The following SOX6 variants were observed in gnomAD, a reference collection of about 807,000 sequenced individuals.
The protein encoded by SOX6 is SRY-box transcription factor 6.
Under a neutral mutation model 97.8 loss-of-function variants are expected in SOX6, and 11 were observed. The observed-to-expected ratio is 0.11, with a 90% CI of 0.07 to 0.19. The LOEUF (loss-of-function observed/expected upper bound fraction) is 0.19, where lower values mean the gene tolerates loss of function less well. Among genes scored for constraint, SOX6 ranks in the 10% least tolerant of loss-of-function variants. The pLI, the probability that SOX6 is intolerant of heterozygous loss-of-function variation, is 1.00. For missense variants in SOX6, 810 were observed against 1,039.5 expected, an observed-to-expected ratio of 0.78 and a Z score of 3.04; for synonymous variants, 360 against 371.4, an observed-to-expected ratio of 0.97 and a Z score of 0.35.
chr11:16,035,666 A>C (rs55836990), intron 12 of SOX6, among the ~76,000 whole-genome samples: 7,598 of 152,246 alleles, frequency 0.05, 623 homozygotes, highest in African/African-American at 0.17. Flanking sequence ...AACTTAAATC[A>C]ATTAATATTA....
intron 4 of SOX6, among the ~76,000 whole-genome samples, chr11:16,560,886 T>A (rs1418307234): frequency 6.6e-6 from 1 of 152,122 alleles, no homozygotes; most frequent in Admixed American, 6.6e-5. Context: ...AAACCAAATA[T>A]CATATGTTCT....
chr11:16,206,153 G>A (rs1389653954), intron 4 of SOX6, among the ~76,000 whole-genome samples: 1 of 151,872 alleles, frequency 6.6e-6, no homozygotes, highest in African/African-American at 2.4e-5. Flanking sequence ...TGTACAACTA[G>A]CATTAACTTT....
At chr11:16,334,433 C>CT (rs67280736) in intron 2 of SOX6, among the ~76,000 whole-genome samples, 124,425 of 147,674 alleles carry the variant, frequency 0.84, 52,463 homozygotes, top group Non-Finnish European at 0.88. Flanking sequence ...AATGTCTCTA[C>CT]TTTTTTTTTT....
At chr11:16,529,318 G>C (rs1035800983) in intron 4 of SOX6, among the ~76,000 whole-genome samples, 1 of 152,030 alleles carries the variant, frequency 6.6e-6, no homozygotes, top group African/African-American at 2.4e-5. Flanking sequence ...AGGCCTCCAA[G>C]CCAGATAGCC....
At chr11:16,625,753 T>G (rs1387716589) in intron 3 of SOX6, among the ~76,000 whole-genome samples, 1 of 152,200 alleles carries the variant, frequency 6.6e-6, no homozygotes, top group Non-Finnish European at 1.5e-5. Flanking sequence ...ACTTCCAGAT[T>G]GGTAAACACA....
At chr11:16,088,413 T>C (rs928332213) in intron 9 of SOX6, among the ~76,000 whole-genome samples, 1 of 152,170 alleles carries the variant, frequency 6.6e-6, no homozygotes, top group African/African-American at 2.4e-5. Flanking sequence ...CAGAATATTT[T>C]CACTACATAA....
intron 3 of SOX6, among the ~76,000 whole-genome samples, chr11:16,645,505 T>A (rs1241323624): frequency 6.6e-6 from 1 of 152,188 alleles, no homozygotes; most frequent in Non-Finnish European, 1.5e-5. Context: ...CCTCAGAATA[T>A]GACCTTATTT....
chr11:16,582,145 A>G lies in SOX6; in HGVS notation n.609+29936T>C, dbSNP rs553543413. On this transcript the variant is annotated intron_variant and non_coding_transcript_variant, in intron 4 of 5. Transcript: ENST00000524520. Reference sequence around the variant, plus strand: ...GGACATAAAGATTGAAACAATAAATACCAGCGACTACCTGGGGAGGAAGTA... The same window carrying G: ...GGACATAAAGATTGAAACAATAAATGCCAGCGACTACCTGGGGAGGAAGTA... Among the ~76,000 whole-genome samples the G allele has an allele frequency of 2.0e-5, 3 of 152,140 alleles. No homozygotes were observed. In the East Asian group the frequency reaches 5.8e-4, roughly 29 times the overall value.
intron 1 of SOX6, among the ~76,000 whole-genome samples, chr11:16,440,441 CAT>C (rs775082212): frequency 3.3e-5 from 5 of 152,154 alleles, no homozygotes; most frequent in Non-Finnish European, 5.9e-5. Flanking sequence ...GGACGCAGAG[CAT>C]ATGTTTATGG....
chr11:16,485,415 C>T (rs1173318868), intron 4 of SOX6, among the ~76,000 whole-genome samples: 1 of 151,916 alleles, frequency 6.6e-6, no homozygotes, highest in Non-Finnish European at 1.5e-5. Flanking sequence ...GTGAGACCCC[C>T]GTCTCTACAA....
rs151294259 is a variant in SOX6 at position 16,074,232 on chromosome 11, A to C, written c.1102-18331T>G. 3.3e-3 allele frequency among the ~76,000 whole-genome samples: 502 copies of C among 152,208 alleles called. 1 individual carries two copies. Among genetic ancestry groups the C allele is most frequent in the African/African-American group, 0.012 (481 of 41,560 alleles). On this transcript the variant is annotated intron_variant, in intron 9 of 15. Transcript: ENST00000683767. Reference sequence around the variant, plus strand: ...GATTAATAAAGAAAACAGAACAAATAAACACAATTAGAAATTACAAAGGGG... The same window carrying C: ...GATTAATAAAGAAAACAGAACAAATCAACACAATTAGAAATTACAAAGGGG...
At chr11:16,709,604 TC>T (rs1284804754) in intron 3 of SOX6, among the ~76,000 whole-genome samples, 9 of 152,060 alleles carry the variant, frequency 5.9e-5, no homozygotes, top group Admixed American at 4.6e-4. Flanking sequence ...AAGAAAAAGC[TC>T]CCTGAGGCCT....
chr11:15,974,122 T>C (rs560547874), intron 15 of SOX6, among the ~76,000 whole-genome samples: 6 of 152,312 alleles, frequency 3.9e-5, no homozygotes, highest in Admixed American at 2.0e-4. Context: ...TTTCAAGTTG[T>C]CATTGTAACT....
chr11:16,734,450 T>C (rs755972160), intron 2 of SOX6, among the ~76,000 whole-genome samples: 1 of 152,232 alleles, frequency 6.6e-6, no homozygotes, highest in Non-Finnish European at 1.5e-5. Context: ...TCTAGTTCTA[T>C]GTCTACCTTC....
At chr11:16,134,653 G>C (rs1849910505) in intron 6 of SOX6, among the ~76,000 whole-genome samples, 1 of 152,102 alleles carries the variant, frequency 6.6e-6, no homozygotes, top group African/African-American at 2.4e-5. Flanking sequence ...AGTGATCTGT[G>C]ATCAGTGATC....
chr11:16,037,746 G>T (rs755475055), intron 12 of SOX6, among the ~76,000 whole-genome samples: 1 of 152,084 alleles, frequency 6.6e-6, no homozygotes, highest in Non-Finnish European at 1.5e-5. Flanking sequence ...CTCTCTAAAG[G>T]TCTCGCCCAT....
At chr11:16,478,385 A>G (rs1295831021), upstream of SOX6, among the ~76,000 whole-genome samples, 1 of 152,228 alleles carries the variant, frequency 6.6e-6, no homozygotes, top group Non-Finnish European at 1.5e-5. Flanking sequence ...TTTTTTAATC[A>G]ATGAACTATC....
intron 4 of SOX6, among the ~76,000 whole-genome samples, chr11:16,562,855 C>T (rs1308353049): frequency 6.6e-6 from 1 of 152,174 alleles, no homozygotes; most frequent in Non-Finnish European, 1.5e-5. Context: ...CCATCCAGCA[C>T]TACAAGAAGC....
At chr11:16,402,747 G>A in intron 1 of SOX6, 1 of 1,609,294 alleles carries the variant, frequency 6.2e-7, no homozygotes, top group Non-Finnish European at 8.5e-7. Context: ...TTAGGGGCTG[G>A]CTAGAAATAT....
Sources: gnomAD v4.1 joint callset for allele counts (sites outside exome capture counted in the v4.1 genomes callset) on GRCh38, gnomAD v4.1.1 for gene constraint, MANE v1.5 for transcripts, NCBI Gene and HGNC (gene_info 2026-07-23, HGNC 2026-07-21) for gene names.